The following PCDH15 variants were observed in gnomAD, a reference collection of about 807,000 sequenced individuals.
PCDH15 encodes the protein protocadherin related 15.
In PCDH15, 129 loss-of-function variants were observed where a neutral mutation model predicts 178.5. The ratio of observed to expected loss-of-function variants is 0.72; its 90% CI spans 0.63 to 0.84. PCDH15 has a LOEUF of 0.84. Ranked by LOEUF, PCDH15 falls within the 40% of genes least tolerant of loss-of-function variation. The probability of loss-of-function intolerance (pLI) is 0.00; values close to 1 mark genes in which losing one functional copy is unlikely to be tolerated. For synonymous variants in PCDH15, 800 were observed against 732.0 expected (o/e 1.09, Z -1.50); for missense variants, 2,230 against 2,099.9 (o/e 1.06, Z -1.21).
chr10:53,858,123 T>C (rs2078876255), intron 27 of PCDH15, among the ~76,000 whole-genome samples: 1 of 152,132 alleles, frequency 6.6e-6, no homozygotes, highest in South Asian at 2.1e-4. Context: ...GATATAAAAA[T>C]TCTAAAAAGC....
chr10:53,968,086 G>A (rs2456701), intron 21 of PCDH15, among the ~76,000 whole-genome samples: 107,109 of 151,840 alleles, frequency 0.71, 38,158 homozygotes, highest in East Asian at 0.87. Context: ...AGGGGTTGTG[G>A]AATTTCCTTT....
intron 21 of PCDH15, among the ~76,000 whole-genome samples, chr10:53,971,984 T>A (rs540883517): frequency 1.3e-5 from 2 of 151,850 alleles, no homozygotes; most frequent in South Asian, 4.2e-4. Context: ...GCCAAGACAA[T>A]CCTAAGCCAA....
chr10:54,920,177 C>T (rs1591784085), intron 2 of PCDH15, among the ~76,000 whole-genome samples: 1 of 152,082 alleles, frequency 6.6e-6, no homozygotes, highest in South Asian at 2.1e-4. Flanking sequence ...CAATGAAAAA[C>T]AAAAATTTCT....
In PCDH15 at chr10:54,147,016, T is replaced by TAATGTATATAGTGTATATATAAC. The variant is rs1491305720; in HGVS notation, c.1784+6083_1784+6084insGTTATATATACACTATATACATT. On this transcript the variant is annotated intron_variant, in intron 14 of 37. Transcript: ENST00000644397. Reference sequence around the variant, plus strand: ...ATGTATATATATAGTGTATATATAATGTGTATATATACAAATATATAATAT... The same window carrying TAATGTATATAGTGTATATATAAC: ...ATGTATATATATAGTGTATATATAATAATGTATATAGTGTATATATAACGTGTATATATACAAATATATAATAT... 6.2e-3 allele frequency among the ~76,000 whole-genome samples: 491 copies of TAATGTATATAGTGTATATATAAC among 79,206 alleles called. 7 individuals are homozygous for TAATGTATATAGTGTATATATAAC. The highest frequency in any genetic ancestry group is 0.021 in the African/African-American group (370 of 17,360). 52.0% of individuals were successfully genotyped at this position (79,206 alleles called of 152,430 possible). A position where few individuals can be genotyped will look rare whatever the true frequency, so the allele number is the denominator to read the frequency against.
chr10:54,220,054 T>C (rs1164027415), intron 9 of PCDH15, among the ~76,000 whole-genome samples: 1 of 152,192 alleles, frequency 6.6e-6, no homozygotes, highest in Non-Finnish European at 1.5e-5. Flanking sequence ...AAATGCAATA[T>C]AATTTATCAT....
intron 36 of PCDH15, 114 bp downstream of exon 36, chr10:53,811,435 T>C (rs1588883245): frequency 1.7e-6 from 1 of 604,460 alleles, no homozygotes; most frequent in Non-Finnish European, 2.7e-6. Flanking sequence ...AGTATTATAC[T>C]AGTGAGATCG....
chr10:54,245,159 T>C (rs1232530936), intron 8 of PCDH15, among the ~76,000 whole-genome samples: 1 of 152,124 alleles, frequency 6.6e-6, no homozygotes, highest in Admixed American at 6.5e-5. Flanking sequence ...ACAACAAATA[T>C]GAAACATATA....
chr10:55,483,130 G>A (rs1840218269), intron 2 of PCDH15, among the ~76,000 whole-genome samples: 1 of 151,696 alleles, frequency 6.6e-6, no homozygotes, highest in African/African-American at 2.4e-5. Flanking sequence ...AAGAAAAATT[G>A]ACAAATGATA....
At chr10:54,342,659 C>T (rs928611364) in intron 6 of PCDH15, among the ~76,000 whole-genome samples, 1 of 152,162 alleles carries the variant, frequency 6.6e-6, no homozygotes, top group Non-Finnish European at 1.5e-5. Flanking sequence ...GATCCACAGA[C>T]AGCTTGCATC....
intron 2 of PCDH15, among the ~76,000 whole-genome samples, chr10:55,343,772 T>A (rs1044729386): frequency 6.6e-6 from 1 of 152,148 alleles, no homozygotes; most frequent in African/African-American, 2.4e-5. Context: ...TATTAACTTA[T>A]TCAAACAAGG....
chr10:54,304,768 T>C (rs539115588), intron 8 of PCDH15, among the ~76,000 whole-genome samples: 6 of 152,210 alleles, frequency 3.9e-5, no homozygotes, highest in Admixed American at 1.3e-4. Context: ...CAGTGGCTTA[T>C]GTATAAGATT....
chr10:55,487,249 C>A (rs2132124333), intron 2 of PCDH15, among the ~76,000 whole-genome samples: 1 of 151,762 alleles, frequency 6.6e-6, no homozygotes, highest in South Asian at 2.1e-4. Flanking sequence ...TGAAACTTAG[C>A]TGACAGCTTT....
intron 1 of PCDH15, among the ~76,000 whole-genome samples, chr10:54,743,105 G>C (rs551176864): frequency 6.6e-6 from 1 of 152,112 alleles, no homozygotes; most frequent in East Asian, 1.9e-4. Flanking sequence ...GTAGATAAAG[G>C]TTCTGATCTG....
At chr10:53,852,998 G>C (rs911527851) in intron 28 of PCDH15, among the ~76,000 whole-genome samples, 1 of 151,986 alleles carries the variant, frequency 6.6e-6, no homozygotes, top group Non-Finnish European at 1.5e-5. Flanking sequence ...ACATGGATAG[G>C]GGGAGCACTG....
At chr10:55,442,481 T>TA (rs56220182) in intron 2 of PCDH15, among the ~76,000 whole-genome samples, 39,338 of 122,184 alleles carry the variant, frequency 0.32, 6,464 homozygotes, top group East Asian at 0.56. Context: ...TATATATATA[T>TA]TATATATATA....
chr10:54,399,864 G>T (rs2135458273), intron 3 of PCDH15, among the ~76,000 whole-genome samples: 1 of 152,228 alleles, frequency 6.6e-6, no homozygotes, highest in Non-Finnish European at 1.5e-5. Flanking sequence ...GGTCTCCAAA[G>T]AATCTGCCTA....
chr10:54,964,342 A>G (rs1486818125), intron 2 of PCDH15, among the ~76,000 whole-genome samples: 2 of 152,196 alleles, frequency 1.3e-5, no homozygotes, highest in Non-Finnish European at 2.9e-5. Context: ...ATGTAAGTAC[A>G]TTTTTGACCC....
At chr10:54,664,117 A>T in intron 2 of PCDH15, 55 bp downstream of exon 2, 1 of 1,267,470 alleles carries the variant, frequency 7.9e-7, no homozygotes. Context: ...TATATTTTCA[A>T]TGTAATAATA....
At chr10:55,442,481 T>TTATA (rs1554869633) in intron 2 of PCDH15, among the ~76,000 whole-genome samples, 109 of 123,074 alleles carry the variant, frequency 8.9e-4, no homozygotes, top group Non-Finnish European at 9.1e-4. Context: ...TATATATATA[T>TTATA]TATATATATA....
Sources: gnomAD v4.1 joint callset for allele counts (sites outside exome capture counted in the v4.1 genomes callset) on GRCh38, gnomAD v4.1.1 for gene constraint, MANE v1.5 for transcripts, NCBI Gene and HGNC (gene_info 2026-07-23, HGNC 2026-07-21) for gene names.